The following BCAR3 variants were observed in gnomAD, a reference collection of about 807,000 sequenced individuals.
BCAR3 encodes the protein BCAR3 adaptor protein, NSP family member.
Under a neutral mutation model 80.1 loss-of-function variants are expected in BCAR3, and 37 were observed. The ratio of observed to expected loss-of-function variants is 0.46; its 90% confidence interval spans 0.36 to 0.61. The LOEUF is 0.61. BCAR3 is among the 20% of genes least tolerant of loss of function. BCAR3 has a pLI of 0.00. For missense variants in BCAR3, 978 were observed against 1,068.2 expected (o/e 0.92, Z 1.18); for synonymous variants, 389 against 418.9 (o/e 0.93, Z 0.87).
intron 2 of BCAR3, among the ~76,000 whole-genome samples, chr1:93,774,261 G>A (rs1315324332): frequency 6.6e-6 from 1 of 152,072 alleles, no homozygotes; most frequent in African/African-American, 2.4e-5. Context: ...CGAGGTGGGT[G>A]GATGATGAGG....
At chr1:93,656,373 T>C (rs1239573823) in intron 2 of BCAR3, among the ~76,000 whole-genome samples, 1 of 152,174 alleles carries the variant, frequency 6.6e-6, no homozygotes. Context: ...TCTGTGTGAT[T>C]ACTTTCTGTC....
chr1:93,801,726 A>G (rs1183489931), intron 2 of BCAR3, among the ~76,000 whole-genome samples: 1 of 152,180 alleles, frequency 6.6e-6, no homozygotes, highest in African/African-American at 2.4e-5. Context: ...TTGGGAGGCC[A>G]ATGCAGGAGA....
intron 2 of BCAR3, chr1:93,753,701 T>C (rs148103127): frequency 2.0e-5 from 3 of 152,284 alleles, no homozygotes; most frequent in African/African-American, 7.2e-5. Context: ...GACCAGAGCA[T>C]CTACTTGCTG....
Position 93,562,282 on chromosome 1 carries a change from G to A in BCAR3, c.2437C>T (p.Arg813Cys), listed in dbSNP as rs367823753. 78 of 1,613,844 alleles carry A rather than the reference G, an allele frequency of 4.8e-5. No homozygotes were observed. The highest frequency in any genetic ancestry group is 2.0e-4 in the East Asian group (9 of 44,886). The change falls in exon 12 of 12, where the codon CGT (arginine) becomes TGT (cysteine). Residue 813 changes from arginine (R) to cysteine (C), a missense_variant. Transcript: ENST00000260502. Reference protein sequence around the residue: ...KFNQILTALSRKLEPPPVKQA... With the variant: ...KFNQILTALSCKLEPPPVKQA... ...TTTACAGGAGGAGGTTCCAATTTAC[G>A]CGAGAGGGCAGTTAAAATCTGGTTG...
intron 2 of BCAR3, among the ~76,000 whole-genome samples, chr1:93,760,512 TAATAA>T (rs1323464033): frequency 1.3e-5 from 2 of 152,052 alleles, no homozygotes; most frequent in Non-Finnish European, 2.9e-5. Flanking sequence ...TTATGGAGAC[TAATAA>T]AATAAAGATA....
chr1:93,821,903 G>A (rs2100820555), intron 2 of BCAR3, among the ~76,000 whole-genome samples: 1 of 152,324 alleles, frequency 6.6e-6, no homozygotes, highest in South Asian at 2.1e-4. Context: ...GTAAGCATGA[G>A]AGCTTGGGTG....
At chr1:93,680,835 G>A (rs554722619) in intron 1 of BCAR3, among the ~76,000 whole-genome samples, 1 of 152,082 alleles carries the variant, frequency 6.6e-6, no homozygotes, top group African/African-American at 2.4e-5. Context: ...CCTCCTCGAC[G>A]AGTGTCTACA....
At chr1:93,564,793 C>T (rs1400983939) in intron 11 of BCAR3, among the ~76,000 whole-genome samples, 1 of 152,150 alleles carries the variant, frequency 6.6e-6, no homozygotes, top group Non-Finnish European at 1.5e-5. Context: ...ATTTTGGCAC[C>T]TTTGTTGAAA....
upstream of BCAR3, among the ~76,000 whole-genome samples, chr1:93,686,441 T>C (rs1319394338): frequency 6.6e-6 from 1 of 152,164 alleles, no homozygotes; most frequent in African/African-American, 2.4e-5. Context: ...TTAGCAATGA[T>C]AACAATTACG....
At chr1:93,740,485 G>A (rs1651138737) in intron 2 of BCAR3, among the ~76,000 whole-genome samples, 1 of 152,224 alleles carries the variant, frequency 6.6e-6, no homozygotes, top group African/African-American at 2.4e-5. Flanking sequence ...TGCTCAGTGG[G>A]CCCTGGGTGG....
chr1:93,714,838 C>T (rs527325909), intron 2 of BCAR3, among the ~76,000 whole-genome samples: 8 of 152,180 alleles, frequency 5.3e-5, no homozygotes, highest in East Asian at 3.9e-4. Context: ...TAGTCTCATC[C>T]GTGACTTTCG....
intron 2 of BCAR3, among the ~76,000 whole-genome samples, chr1:93,839,540 T>C (rs1654885224): frequency 6.6e-6 from 1 of 152,210 alleles, no homozygotes; most frequent in African/African-American, 2.4e-5. Context: ...ACTGAGGTCG[T>C]GGGCCTGATC....
At chr1:93,629,027 G>A (rs1190051389) in intron 3 of BCAR3, among the ~76,000 whole-genome samples, 1 of 152,120 alleles carries the variant, frequency 6.6e-6, no homozygotes, top group African/African-American at 2.4e-5. Flanking sequence ...AAGGAGGGAG[G>A]CCCATACGTT....
At chr1:93,777,595 AT>A (rs34609475) in intron 2 of BCAR3, among the ~76,000 whole-genome samples, 2 of 150,258 alleles carry the variant, frequency 1.3e-5, no homozygotes, top group South Asian at 2.1e-4. Context: ...CTAATTTAAA[AT>A]TTTTTTTTGT....
chr1:93,562,376 T>C lies in BCAR3; in HGVS notation c.2343A>G (p.Glu781=), dbSNP rs1019912706. The change falls in exon 12 of 12, where the codon GAA becomes GAG. Residue 781 remains glutamate, a synonymous_variant. Transcript: ENST00000260502. ...TGCCCCATAGCAATCGCATTTGAAA[T>C]TCAGTCTTGCAGATTTCATTCATTT... is the stretch of plus-strand genomic sequence containing the variant. ...DEEMNEICKT[E]FQMRLLWGSK... is the part of the protein sequence containing the mutation. The C allele has an allele frequency of 6.2e-7, 1 of 1,614,108 alleles. No homozygotes were observed. Among genetic ancestry groups the C allele is most frequent in the Non-Finnish European group, 8.5e-7 (1 of 1,180,006 alleles).
chr1:93,565,661 T>C (rs150117822), intron 11 of BCAR3, among the ~76,000 whole-genome samples: 65 of 152,354 alleles, frequency 4.3e-4, no homozygotes, highest in African/African-American at 1.4e-3. Context: ...GGCACTCTGA[T>C]ACTTGTTGAC....
chr1:93,644,051 C>T (rs1676078343), intron 2 of BCAR3, among the ~76,000 whole-genome samples: 1 of 152,134 alleles, frequency 6.6e-6, no homozygotes, highest in South Asian at 2.1e-4. Flanking sequence ...TCCAATCTGA[C>T]TCTGGCATAA....
chr1:93,840,139 A>C, intron 2 of BCAR3, among the ~76,000 whole-genome samples: 1 of 152,190 alleles, frequency 6.6e-6, no homozygotes, highest in South Asian at 2.1e-4. Flanking sequence ...CCTGGGCATC[A>C]AGATTCTAGA....
At chr1:93,711,791 C>T (rs935882219) in intron 2 of BCAR3, among the ~76,000 whole-genome samples, 2 of 152,162 alleles carry the variant, frequency 1.3e-5, no homozygotes, top group Non-Finnish European at 2.9e-5. Context: ...AGCCTGTCTG[C>T]CTCACTGCTA....
Sources: allele counts gnomAD v4.1 joint callset (sites outside exome capture counted in the v4.1 genomes callset), GRCh38; gene constraint gnomAD v4.1.1; transcripts MANE v1.5; gene names NCBI Gene and HGNC (gene_info 2026-07-23, HGNC 2026-07-21).